HOMER1: variants seen among roughly 807,000 people sequenced by gnomAD.
HOMER1 encodes the protein homer protein homolog 1.
Under a neutral mutation model 48.9 loss-of-function variants are expected in HOMER1, and 3 were observed. That is an observed-to-expected ratio of 0.06 (90% CI 0.03 to 0.16). HOMER1 has a LOEUF of 0.16. Among genes scored for constraint, HOMER1 ranks in the 10% least tolerant of loss-of-function variants. The probability of loss-of-function intolerance (pLI) is 1.00; values close to 1 mark genes in which losing one functional copy is unlikely to be tolerated. For synonymous variants in HOMER1, 134 were observed against 146.4 expected, an observed-to-expected ratio of 0.92 and a Z score of 0.61; for missense variants, 247 against 411.4, an observed-to-expected ratio of 0.60 and a Z score of 3.46.
intron 8 of HOMER1, among the ~76,000 whole-genome samples, chr5:79,392,302 T>C (rs1230898174): frequency 6.6e-6 from 1 of 152,190 alleles, no homozygotes; most frequent in Non-Finnish European, 1.5e-5. Context: ...GACAGCTCCA[T>C]GCCTGTTATT....
intron 6 of HOMER1, among the ~76,000 whole-genome samples, chr5:79,398,366 T>C (rs1399765688): frequency 2.6e-5 from 4 of 151,740 alleles, no homozygotes; most frequent in Admixed American, 6.6e-5. Flanking sequence ...TCTTTACATA[T>C]ATCATGTGCT....
chr5:79,411,500 A>G (rs1749813527), intron 5 of HOMER1, among the ~76,000 whole-genome samples: 1 of 152,130 alleles, frequency 6.6e-6, no homozygotes. Context: ...TAAAATAAAA[A>G]TAAAGTCACA....
chr5:79,433,507 G>A (rs1416362107), intron 5 of HOMER1, among the ~76,000 whole-genome samples: 5 of 152,096 alleles, frequency 3.3e-5, no homozygotes, highest in Non-Finnish European at 7.4e-5. Flanking sequence ...GGTGGAGGTC[G>A]CAGTGAGCTG....
chr5:79,500,994 A>ACACACACACACACACACACACAC (rs1491137703), intron 1 of HOMER1, among the ~76,000 whole-genome samples: 2 of 143,020 alleles, frequency 1.4e-5, no homozygotes, highest in African/African-American at 5.3e-5. Flanking sequence ...ACACACACAC[A>ACACACACACACACACACACACAC]AGGTCTGGCT....
At chr5:79,490,995 A>C (rs547190412) in intron 1 of HOMER1, among the ~76,000 whole-genome samples, 1 of 148,936 alleles carries the variant, frequency 6.7e-6, no homozygotes, top group Admixed American at 6.7e-5. Context: ...GAAAAAAAGG[A>C]AAAAAAATTA....
chr5:79,436,140 AT>A (rs1364689210), intron 5 of HOMER1, among the ~76,000 whole-genome samples: 4 of 150,056 alleles, frequency 2.7e-5, no homozygotes, highest in South Asian at 2.1e-4. Context: ...CTCAAAAAAA[AT>A]AAATAAATAA....
At chr5:79,502,341 A>C (rs1375620734) in intron 1 of HOMER1, among the ~76,000 whole-genome samples, 2 of 152,166 alleles carry the variant, frequency 1.3e-5, no homozygotes, top group African/African-American at 4.8e-5. Flanking sequence ...TTTTACTGTA[A>C]TAAATATTTT....
chr5:79,449,361 T>C lies in HOMER1; in HGVS notation c.294+1629A>G, dbSNP rs138834477. Among the ~76,000 whole-genome samples, 34 of 152,374 alleles carry C rather than the reference T, an allele frequency of 2.2e-4. No individual in the cohort carries two copies. The East Asian group carries it at 5.0e-3, about 22-fold the overall frequency. ...GGAAGGGCAATGTTCAATGGAAACC[T>C]GTATCCTAGTTATGCTGAGATACTT... On this transcript the variant is annotated intron_variant, in intron 3 of 8. Coordinates refer to ENST00000334082, the MANE Select transcript of HOMER1 (RefSeq NM_004272.5).
intron 1 of HOMER1, among the ~76,000 whole-genome samples, chr5:79,483,561 A>G (rs1320257844): frequency 6.6e-6 from 1 of 152,094 alleles, no homozygotes; most frequent in African/African-American, 2.4e-5. Flanking sequence ...ACAAAAGCTG[A>G]AAGAATCCAT....
chr5:79,388,470 A>C (rs1749171499), intron 8 of HOMER1, among the ~76,000 whole-genome samples: 1 of 152,226 alleles, frequency 6.6e-6, no homozygotes, highest in African/African-American at 2.4e-5. Flanking sequence ...AAAATAGAAA[A>C]TACTAAAAAC....
chr5:79,466,741 T>G (rs867238040), intron 1 of HOMER1, among the ~76,000 whole-genome samples: 4 of 151,606 alleles, frequency 2.6e-5, no homozygotes, highest in Non-Finnish European at 5.9e-5. Context: ...TAGGTTAAAC[T>G]CCTGGCGTTT....
intron 1 of HOMER1, among the ~76,000 whole-genome samples, chr5:79,508,479 A>G (rs1299411992): frequency 6.6e-6 from 1 of 152,202 alleles, no homozygotes; most frequent in African/African-American, 2.4e-5. Flanking sequence ...TTTGATCTAC[A>G]TGGTTCTCCA....
intron 6 of HOMER1, among the ~76,000 whole-genome samples, chr5:79,400,807 C>A (rs544697254): frequency 6.9e-6 from 1 of 144,666 alleles, no homozygotes; most frequent in South Asian, 2.2e-4. Flanking sequence ...TGCAGTAGAG[C>A]CATCATAATT....
At chr5:79,490,792 A>AAACC (rs148573552) in intron 1 of HOMER1, among the ~76,000 whole-genome samples, 2 of 145,906 alleles carry the variant, frequency 1.4e-5, no homozygotes, top group African/African-American at 5.3e-5. Context: ...AAAAAAAAAA[A>AAACC]CCATAAAAAA....
At chr5:79,454,707 A>G (rs1751121683) in intron 2 of HOMER1, among the ~76,000 whole-genome samples, 1 of 152,198 alleles carries the variant, frequency 6.6e-6, no homozygotes, top group Non-Finnish European at 1.5e-5. Context: ...CATCTAGTTA[A>G]CCTAGTTAAG....
chr5:79,386,770 G>A (rs1749120722), intron 8 of HOMER1, among the ~76,000 whole-genome samples: 1 of 151,938 alleles, frequency 6.6e-6, no homozygotes, highest in Non-Finnish European at 1.5e-5. Context: ...AGGAAACAAA[G>A]GCAAAAACAA....
Position 79,466,376 on chromosome 5 carries a change from G to A in HOMER1, c.6-9358C>T, listed in dbSNP as rs1368203285. Among the ~76,000 whole-genome samples the A allele has an allele frequency of 1.1e-4, 16 of 151,878 alleles. No individual in the cohort carries two copies. In the East Asian group the frequency reaches 2.7e-3, roughly 26 times the overall value. On this transcript the variant is annotated intron_variant, in intron 1 of 8. Transcript: ENST00000334082. ...CAAAAAATTAGCCGGGCATGGTGGC[G>A]CACACCTGTGGTCCCAGCTACTTGA...
intron 8 of HOMER1, among the ~76,000 whole-genome samples, chr5:79,390,014 G>A (rs1039620123): frequency 1.3e-5 from 2 of 152,138 alleles, no homozygotes; most frequent in Non-Finnish European, 2.9e-5. Context: ...GGCCAGGCAC[G>A]GTGGCTCATG....
chr5:79,385,544 T>A lies in HOMER1; in HGVS notation c.877-9347A>T, dbSNP rs372213213. ...CAAGGAAATACAAATCAAAACCAAA[T>A]AAGATATCATCTTATGGCCAGGTGC... is the stretch of plus-strand genomic sequence containing the variant. On this transcript the variant is annotated intron_variant, in intron 8 of 8. Transcript: ENST00000334082. Among the ~76,000 whole-genome samples the A allele has an allele frequency of 3.4e-4, 51 of 152,112 alleles. No homozygotes were observed. The South Asian group carries it at 5.2e-3, about 15-fold the overall frequency.
Sources: gnomAD v4.1 joint callset for allele counts (sites outside exome capture counted in the v4.1 genomes callset) on GRCh38, gnomAD v4.1.1 for gene constraint, MANE v1.5 for transcripts, NCBI Gene and HGNC (gene_info 2026-07-23, HGNC 2026-07-21) for gene names.